LRBA: variants seen among roughly 807,000 people sequenced by gnomAD.
LRBA encodes LPS responsive beige-like anchor protein, also known as lipopolysaccharide-responsive and beige-like anchor protein.
A neutral mutation model predicts 330.0 loss-of-function variants in LRBA; 176 were observed. The ratio of observed to expected loss-of-function variants is 0.53; its 90% CI spans 0.47 to 0.60. The LOEUF is 0.60. Ranked by LOEUF, LRBA falls within the 20% of genes least tolerant of loss-of-function variation. LRBA has a pLI of 0.00. For missense variants in LRBA, 3,259 were observed against 3,444.8 expected, an observed-to-expected ratio of 0.95 and a Z score of 1.35; for synonymous variants, 1,230 against 1,193.0, an observed-to-expected ratio of 1.03 and a Z score of -0.64.
intron 44 of LRBA, among the ~76,000 whole-genome samples, chr4:150,458,894 T>C (rs1364537423): frequency 6.6e-6 from 1 of 151,884 alleles, no homozygotes; most frequent in African/African-American, 2.4e-5. Context: ...ACATTAGAGG[T>C]TGTCTTTAAA....
At chr4:150,385,617 A>C (rs565521323) in intron 47 of LRBA, among the ~76,000 whole-genome samples, 2 of 152,266 alleles carry the variant, frequency 1.3e-5, no homozygotes, top group East Asian at 3.9e-4. Flanking sequence ...AGAGGGGGCA[A>C]ATTGGCTTAG....
intron 35 of LRBA, among the ~76,000 whole-genome samples, chr4:150,737,843 T>C (rs1731413163): frequency 2.0e-5 from 3 of 152,008 alleles, no homozygotes. Flanking sequence ...TTAACTATTC[T>C]CCTAAGGGCC....
chr4:150,877,136 T>TA (rs2127027633), intron 17 of LRBA, among the ~76,000 whole-genome samples: 1 of 151,940 alleles, frequency 6.6e-6, no homozygotes, highest in African/African-American at 2.4e-5. Flanking sequence ...CGGGCGCCTG[T>TA]ATTCCCAGCT....
At chr4:150,957,037 T>C (rs1333593288) in intron 2 of LRBA, among the ~76,000 whole-genome samples, 8 of 148,962 alleles carry the variant, frequency 5.4e-5, no homozygotes, top group Non-Finnish European at 1.2e-4. Flanking sequence ...TGTGTATGTG[T>C]AGTTTTATCA....
chr4:150,531,100 C>T (rs1282279610), intron 40 of LRBA, among the ~76,000 whole-genome samples: 3 of 152,188 alleles, frequency 2.0e-5, no homozygotes, highest in Non-Finnish European at 4.4e-5. Flanking sequence ...CTCTCTCTCC[C>T]ACCCACTTTA....
chr4:151,010,290 C>G (rs957436961), intron 2 of LRBA, among the ~76,000 whole-genome samples: 1 of 152,164 alleles, frequency 6.6e-6, no homozygotes, highest in Non-Finnish European at 1.5e-5. Flanking sequence ...AAGCCTTAAA[C>G]TCAGCAGCAA....
At chr4:150,460,055 G>C (rs1266337578) in intron 44 of LRBA, among the ~76,000 whole-genome samples, 1 of 151,260 alleles carries the variant, frequency 6.6e-6, no homozygotes, top group African/African-American at 2.4e-5. Flanking sequence ...CCACCCCCAA[G>C]AGTGTTCTTT....
chr4:150,358,378 A>G (rs1738180885), intron 47 of LRBA, among the ~76,000 whole-genome samples: 1 of 152,176 alleles, frequency 6.6e-6, no homozygotes, highest in African/African-American at 2.4e-5. Context: ...GCTCACCATT[A>G]CTTGGAAGGT....
chr4:150,946,881 G>C (rs561362555), intron 2 of LRBA, among the ~76,000 whole-genome samples: 1 of 150,828 alleles, frequency 6.6e-6, no homozygotes, highest in Non-Finnish European at 1.5e-5. Flanking sequence ...ACTAGTATCA[G>C]GGAGAAAACA....
intron 47 of LRBA, among the ~76,000 whole-genome samples, chr4:150,394,100 A>T (rs939174214): frequency 3.9e-5 from 6 of 152,196 alleles, no homozygotes; most frequent in Non-Finnish European, 8.8e-5. Flanking sequence ...CTTTTACATA[A>T]CAATTTCTTT....
chr4:150,711,591 G>A (rs1314262557), intron 36 of LRBA, among the ~76,000 whole-genome samples: 1 of 152,108 alleles, frequency 6.6e-6, no homozygotes, highest in East Asian at 1.9e-4. Context: ...TTTTAAAATA[G>A]CATTGTCAGG....
At position 150,290,434 on chromosome 4, in the gene LRBA, G is replaced by C. The variant is rs537800708; in HGVS notation, c.8018-4400C>G. 2.6e-5 allele frequency among the ~76,000 whole-genome samples: 4 copies of C among 152,286 alleles called. No individual in the cohort carries two copies. The East Asian group carries it at 7.7e-4, about 29-fold the overall frequency. On this transcript the variant is annotated intron_variant, in intron 53 of 56. Transcript: ENST00000651943. ...AGATAGTAGGATCTCCCAAAGGCTAGACCATAAAGCAGAACAGATTCCCTT... is the reference window on the plus strand; with the variant it reads ...AGATAGTAGGATCTCCCAAAGGCTACACCATAAAGCAGAACAGATTCCCTT...
At chr4:150,724,519 C>T (rs371942180) in intron 36 of LRBA, among the ~76,000 whole-genome samples, 2 of 152,206 alleles carry the variant, frequency 1.3e-5, no homozygotes, top group South Asian at 4.2e-4. Context: ...AATGCTCATA[C>T]ACTGAAGAAC....
chr4:150,692,800 G>C (rs1417590651), intron 36 of LRBA, among the ~76,000 whole-genome samples: 1 of 152,292 alleles, frequency 6.6e-6, no homozygotes, highest in East Asian at 1.9e-4. Context: ...GTCAACTGTT[G>C]ATGAGAATGC....
intron 43 of LRBA, among the ~76,000 whole-genome samples, chr4:150,469,780 C>T (rs1012669360): frequency 6.6e-6 from 1 of 152,178 alleles, no homozygotes; most frequent in Non-Finnish European, 1.5e-5. Flanking sequence ...CACCTGAGCT[C>T]TCAAACCTGT....
chr4:150,952,283 T>G (rs370358729), intron 2 of LRBA, among the ~76,000 whole-genome samples: 16 of 151,964 alleles, frequency 1.1e-4, no homozygotes, highest in African/African-American at 3.6e-4. Context: ...TGTATGTCTA[T>G]AGAGAGAGAG....
At chr4:150,983,730 C>T (rs1741118985) in intron 2 of LRBA, among the ~76,000 whole-genome samples, 1 of 151,098 alleles carries the variant, frequency 6.6e-6, no homozygotes, top group Non-Finnish European at 1.5e-5. Flanking sequence ...GCTGGGATTA[C>T]AGGTGTGAGC....
intron 56 of LRBA, among the ~76,000 whole-genome samples, chr4:150,277,356 C>T (rs745872313): frequency 2.0e-4 from 30 of 152,014 alleles, no homozygotes; most frequent in Non-Finnish European, 2.1e-4. Context: ...ACCACCATGG[C>T]ACATGTATAC....
At chr4:150,961,674 A>G (rs1162708614) in intron 2 of LRBA, among the ~76,000 whole-genome samples, 4 of 148,906 alleles carry the variant, frequency 2.7e-5, no homozygotes, top group Non-Finnish European at 4.4e-5. Flanking sequence ...GCTGTGAAAA[A>G]GAAGTGCAAC....
Sources: gnomAD v4.1 joint callset for allele counts (sites outside exome capture counted in the v4.1 genomes callset) on GRCh38, gnomAD v4.1.1 for gene constraint, MANE v1.5 for transcripts, NCBI Gene and HGNC (gene_info 2026-07-23, HGNC 2026-07-21) for gene names.